LRRC7: variants seen among roughly 807,000 people sequenced by gnomAD.
LRRC7 encodes the protein leucine-rich repeat-containing protein 7.
A neutral mutation model predicts 175.7 loss-of-function variants in LRRC7; 23 were observed. The observed-to-expected ratio is 0.13, with a 90% confidence interval of 0.09 to 0.19. The LOEUF is 0.19. LRRC7 is among the 10% of genes least tolerant of loss of function. LRRC7 has a pLI of 1.00. For synonymous variants in LRRC7, 685 were observed against 680.9 expected (o/e 1.01, Z -0.09); for missense variants, 1,354 against 1,904.7 (o/e 0.71, Z 5.38).
chr1:70,014,462 T>G (rs1327444896), intron 13 of LRRC7, among the ~76,000 whole-genome samples: 1 of 151,994 alleles, frequency 6.6e-6, no homozygotes, highest in Non-Finnish European at 1.5e-5. Flanking sequence ...GTCAGAAGTT[T>G]AAAATAAATT....
intron 2 of LRRC7, among the ~76,000 whole-genome samples, chr1:69,710,236 G>T (rs566053750): frequency 2.3e-5 from 3 of 130,558 alleles, no homozygotes; most frequent in African/African-American, 9.0e-5. Context: ...CCAAGATCAC[G>T]CCACTGCTCC....
chr1:70,026,348 G>A (rs1658098176), intron 17 of LRRC7, among the ~76,000 whole-genome samples: 1 of 152,058 alleles, frequency 6.6e-6, no homozygotes, highest in Non-Finnish European at 1.5e-5. Flanking sequence ...CATTTTTAAT[G>A]TAATTTTTTT....
At chr1:69,917,194 G>C (rs1038357842) in intron 7 of LRRC7, among the ~76,000 whole-genome samples, 1 of 152,138 alleles carries the variant, frequency 6.6e-6, no homozygotes, top group Non-Finnish European at 1.5e-5. Context: ...TGGTTCAGAG[G>C]GATGAAGTTC....
intron 25 of LRRC7, among the ~76,000 whole-genome samples, chr1:70,099,550 C>T (rs1236902629): frequency 6.6e-6 from 1 of 152,050 alleles, no homozygotes; most frequent in African/African-American, 2.4e-5. Context: ...TTGCAGATGA[C>T]ATGATTGTAT....
At chr1:70,000,395 A>G (rs1037021998) in intron 11 of LRRC7, among the ~76,000 whole-genome samples, 3 of 152,198 alleles carry the variant, frequency 2.0e-5, no homozygotes, top group African/African-American at 7.2e-5. Context: ...AATAGGCTAT[A>G]TCATATAACG....
In LRRC7 at chr1:70,128,510, A is replaced by G. The variant is rs1052456504; in HGVS notation, c.*6623A>G. The G allele has an allele frequency of 6.6e-6, 1 of 152,240 alleles. No homozygotes were observed. Among genetic ancestry groups the G allele is most frequent in the African/African-American group, 2.4e-5 (1 of 41,462 alleles). The allele number at this position is 152,240 out of a possible 1,614,324, so 9.4% of individuals were successfully genotyped here. On this transcript the variant is annotated 3_prime_UTR_variant, in exon 27 of 27. Transcript: ENST00000651989. The stretch of plus-strand genomic sequence containing the variant: ...TCTTAGTACAGGGAACTTTATTTTC[A>G]TAGCAAACTCTTGTACTTCCTCCAC...
At chr1:69,997,328 C>A (rs1416250645) in intron 11 of LRRC7, among the ~76,000 whole-genome samples, 3 of 151,900 alleles carry the variant, frequency 2.0e-5, no homozygotes, top group Non-Finnish European at 4.4e-5. Context: ...TCTAGATATA[C>A]AATCATGTCA....
At chr1:69,933,899 TGCCAG>T (rs1647667052) in intron 8 of LRRC7, among the ~76,000 whole-genome samples, 1 of 152,220 alleles carries the variant, frequency 6.6e-6, no homozygotes, top group African/African-American at 2.4e-5. Flanking sequence ...CAGTATTTCA[TGCCAG>T]GCACAAAATA....
In LRRC7 at chr1:70,140,307, C is replaced by CAGCAA. The variant is rs1415258529; in HGVS notation, c.*18424_*18425insAAGCA. 6.6e-6 allele frequency: 1 copy of CAGCAA among 152,184 alleles called. No homozygotes were observed. Among genetic ancestry groups the CAGCAA allele is most frequent in the Non-Finnish European group, 1.5e-5 (1 of 68,012 alleles). 9.4% of individuals were successfully genotyped at this position (152,184 alleles called of 1,614,324 possible). A position where few individuals can be genotyped will look rare whatever the true frequency, so the allele number is the denominator to read the frequency against. On this transcript the variant is annotated 3_prime_UTR_variant, in exon 27 of 27. Transcript: ENST00000651989. ...TACAAAGTTCCCCTTATCCAAACTA[C>CAGCAA]AGCACGCTTACTACTTTCTCCTTCC...
chr1:69,710,278 C>CAAAAAA (rs77553066), intron 2 of LRRC7, among the ~76,000 whole-genome samples: 18 of 86,760 alleles, frequency 2.1e-4, no homozygotes, highest in African/African-American at 3.6e-4. Flanking sequence ...GACTCCGTCT[C>CAAAAAA]AAAAAAAAAA....
intron 24 of LRRC7, among the ~76,000 whole-genome samples, chr1:70,082,641 A>G (rs1663284167): frequency 2.0e-5 from 3 of 152,094 alleles, no homozygotes; most frequent in African/African-American, 7.2e-5. Context: ...TGAAATGACT[A>G]ATCTTTAAAA....
chr1:69,903,776 AAG>A (rs1291894326), intron 7 of LRRC7, among the ~76,000 whole-genome samples: 2 of 152,156 alleles, frequency 1.3e-5, no homozygotes, highest in African/African-American at 4.8e-5. Flanking sequence ...TAAAGAAGAA[AAG>A]AGAGAAGAAT....
intron 1 of LRRC7, among the ~76,000 whole-genome samples, chr1:69,612,452 C>G (rs1648921438): frequency 6.6e-6 from 1 of 151,892 alleles, no homozygotes; most frequent in Non-Finnish European, 1.5e-5. Context: ...CTTTAATATA[C>G]TGGGTTTTAT....
chr1:69,859,156 C>G (rs752712616), intron 7 of LRRC7, among the ~76,000 whole-genome samples: 1 of 152,138 alleles, frequency 6.6e-6, no homozygotes, highest in Non-Finnish European at 1.5e-5. Context: ...CCCAAATTGA[C>G]TTCTTCATAT....
At chr1:69,990,064 G>C (rs568220163) in intron 10 of LRRC7, among the ~76,000 whole-genome samples, 1 of 152,136 alleles carries the variant, frequency 6.6e-6, no homozygotes, top group Non-Finnish European at 1.5e-5. Flanking sequence ...AAATATATTT[G>C]AACATATACC....
At chr1:70,023,098 C>G in intron 16 of LRRC7, 28 bp from the exon 17 acceptor site, 1 of 1,390,596 alleles carries the variant, frequency 7.2e-7, no homozygotes, top group East Asian at 2.6e-5. Flanking sequence ...CTCTTTCTCC[C>G]AGAAAATGGA....
intron 7 of LRRC7, among the ~76,000 whole-genome samples, chr1:69,878,863 TATA>T (rs1395974994): frequency 2.0e-5 from 3 of 148,326 alleles, no homozygotes; most frequent in South Asian, 2.1e-4. Context: ...CTCTGCTATG[TATA>T]ATATTTATAT....
At chr1:69,866,399 T>A (rs1339650668) in intron 7 of LRRC7, among the ~76,000 whole-genome samples, 8 of 152,216 alleles carry the variant, frequency 5.3e-5, no homozygotes, top group African/African-American at 9.6e-5. Context: ...ACCAGCAAAG[T>A]GTGAACTCAG....
rs1014559394 is a variant in LRRC7 at position 70,131,669 on chromosome 1, G to T, written c.*9782G>T. Among the ~76,000 whole-genome samples the T allele has an allele frequency of 1.3e-5, 2 of 152,074 alleles. No homozygotes were observed. The highest frequency in any genetic ancestry group is 2.9e-5 in the Non-Finnish European group (2 of 68,014). On this transcript the variant is annotated 3_prime_UTR_variant, in exon 27 of 27. Coordinates refer to ENST00000651989, the MANE Select transcript of LRRC7 (RefSeq NM_001370785.2). ...TTTGATTTAGAAAGATTTAGATAAA[G>T]TCATAGTATATCTTGAAGGAAACAG...
Sources: gnomAD v4.1 joint callset for allele counts (sites outside exome capture counted in the v4.1 genomes callset) on GRCh38, gnomAD v4.1.1 for gene constraint, MANE v1.5 for transcripts, NCBI Gene and HGNC (gene_info 2026-07-23, HGNC 2026-07-21) for gene names.